The following ZFAT variants were observed in gnomAD, a reference collection of about 807,000 sequenced individuals.
ZFAT encodes zinc finger protein ZFAT.
ZFAT carries 64 observed loss-of-function variants against 117.7 expected under a neutral mutation model. That is an observed-to-expected ratio of 0.54 (90% CI 0.44 to 0.67). The LOEUF (loss-of-function observed/expected upper bound fraction) is 0.67, where lower values mean the gene tolerates loss of function less well. Among genes scored for constraint, ZFAT ranks in the 30% least tolerant of loss-of-function variants. The pLI is 0.00. For synonymous variants in ZFAT, 679 were observed against 615.0 expected, an observed-to-expected ratio of 1.10 and a Z score of -1.54; for missense variants, 1,433 against 1,584.5, an observed-to-expected ratio of 0.90 and a Z score of 1.62.
intron 11 of ZFAT, among the ~76,000 whole-genome samples, chr8:134,551,579 G>A (rs951898057): frequency 6.6e-6 from 1 of 152,222 alleles, no homozygotes; most frequent in Non-Finnish European, 1.5e-5. Context: ...TCAGCATTCT[G>A]AGGGGGTGCT....
At chr8:134,498,336 T>C (rs1306803393) in intron 15 of ZFAT, among the ~76,000 whole-genome samples, 1 of 148,646 alleles carries the variant, frequency 6.7e-6, no homozygotes, top group Non-Finnish European at 1.5e-5. Flanking sequence ...GGAGCTGGGA[T>C]GCCCCCGTTG....
chr8:134,693,565 C>T (rs551162636), intron 1 of ZFAT, among the ~76,000 whole-genome samples: 9 of 146,094 alleles, frequency 6.2e-5, no homozygotes, highest in African/African-American at 1.3e-4. Context: ...TGTATCAAAG[C>T]ATCACATTGT....
At chr8:134,484,878 C>T (rs1397181248) in intron 15 of ZFAT, among the ~76,000 whole-genome samples, 3 of 152,208 alleles carry the variant, frequency 2.0e-5, no homozygotes, top group Admixed American at 6.5e-5. Context: ...TCACTGCAGC[C>T]TCAAACTCCT....
chr8:134,653,269 T>TAAAAAAAAAAAA (rs1441852865), intron 2 of ZFAT, among the ~76,000 whole-genome samples: 1 of 99,130 alleles, frequency 1.0e-5, no homozygotes, highest in African/African-American at 3.6e-5. Context: ...AATGTCTTTT[T>TAAAAAAAAAAAA]TAAAAAAAAA....
the ZFAT span, among the ~76,000 whole-genome samples, chr8:134,753,983 C>A: frequency 1.3e-5 from 2 of 152,174 alleles, no homozygotes; most frequent in African/African-American, 4.8e-5. Flanking sequence ...CTTTGTTTGT[C>A]CCAGCCTGAA....
chr8:134,518,886 T>G (rs1399984050), intron 13 of ZFAT, among the ~76,000 whole-genome samples: 1 of 152,162 alleles, frequency 6.6e-6, no homozygotes, highest in African/African-American at 2.4e-5. Context: ...CTATCCTGTG[T>G]CACTTATCAA....
At chr8:134,589,956 C>A (rs1353448375) in intron 8 of ZFAT, among the ~76,000 whole-genome samples, 1 of 152,198 alleles carries the variant, frequency 6.6e-6, no homozygotes, top group Non-Finnish European at 1.5e-5. Flanking sequence ...GTAACACAAG[C>A]TTATGACAAC....
intron 5 of ZFAT, among the ~76,000 whole-genome samples, chr8:134,607,903 A>T (rs1828015957): frequency 6.6e-6 from 1 of 152,228 alleles, no homozygotes; most frequent in Non-Finnish European, 1.5e-5. Context: ...TCTGGAGGAC[A>T]GTTTTTAATG....
chr8:134,826,828 A>C, the ZFAT span, among the ~76,000 whole-genome samples: 1 of 152,260 alleles, frequency 6.6e-6, no homozygotes, highest in Non-Finnish European at 1.5e-5. Flanking sequence ...AATTCAAACA[A>C]AATTCTCAGA....
At chr8:134,736,507 C>CTT in the ZFAT span, among the ~76,000 whole-genome samples, 1 of 152,160 alleles carries the variant, frequency 6.6e-6, no homozygotes, top group African/African-American at 2.4e-5. Context: ...ATAGTGATGG[C>CTT]TTCCACACAG....
intron 1 of ZFAT, among the ~76,000 whole-genome samples, chr8:134,683,210 G>A (rs1833154092): frequency 1.3e-5 from 2 of 152,198 alleles, no homozygotes; most frequent in South Asian, 2.1e-4. Flanking sequence ...GCTCCTTTGT[G>A]CAGTGTGTAA....
chr8:134,611,822 AT>A (rs1292863578), intron 3 of ZFAT, among the ~76,000 whole-genome samples: 2 of 152,232 alleles, frequency 1.3e-5, no homozygotes, highest in Non-Finnish European at 2.9e-5. Flanking sequence ...GAAGGGCTGG[AT>A]TATATTTGTG....
intron 15 of ZFAT, among the ~76,000 whole-genome samples, chr8:134,499,146 T>G (rs73355780): frequency 0.1 from 11,326 of 109,400 alleles, 1,859 homozygotes; most frequent in African/African-American, 0.25. Flanking sequence ...TTTGGTAGGG[T>G]TGGCGTGGAG....
Position 134,509,701 on chromosome 8 carries a change from T to G in ZFAT, c.3410A>C (p.Glu1137Ala), listed in dbSNP as rs1258561938. Residue 1137 changes from glutamate to alanine, a missense_variant, in exon 15 of 16, where the codon GAG (glutamate) becomes GCG (alanine). Glu to Ala is a moderately radical substitution (Grantham distance 107). This residue lies in a region of ZFAT where 503 missense variants were observed against 543.4 expected (regional missense o/e 0.93). Transcript: ENST00000377838. Reference protein sequence around the residue: ...TAVNILQQIIELGAETHDATA... With the variant: ...TAVNILQQIIALGAETHDATA... Reference sequence around the variant, plus strand: ...GGCGTCATGGGTCTCGGCGCCCAGCTCAATGATCTGCTGCAGGATGTTCAC... The same window carrying G: ...GGCGTCATGGGTCTCGGCGCCCAGCGCAATGATCTGCTGCAGGATGTTCAC... 2.5e-6 allele frequency: 4 copies of G among 1,610,536 alleles called. No homozygotes were observed. Among genetic ancestry groups the G allele is most frequent in the Non-Finnish European group, 3.4e-6 (4 of 1,179,046 alleles).
chr8:134,797,006 A>T, the ZFAT span: 1 of 152,198 alleles, frequency 6.6e-6, no homozygotes, highest in South Asian at 2.1e-4. Context: ...AAAAAGTTTA[A>T]GATTACAGAT....
At chr8:134,536,576 G>A (rs1821856033) in intron 11 of ZFAT, among the ~76,000 whole-genome samples, 1 of 152,156 alleles carries the variant, frequency 6.6e-6, no homozygotes, top group Admixed American at 6.5e-5. Context: ...ACTGCCACAG[G>A]CCAGCAGGGA....
At chr8:134,626,568 G>C (rs1829530867) in intron 3 of ZFAT, among the ~76,000 whole-genome samples, 1 of 152,258 alleles carries the variant, frequency 6.6e-6, no homozygotes, top group South Asian at 2.1e-4. Flanking sequence ...TGGGGCAGGT[G>C]AGCTTCACAA....
chr8:134,684,070 T>G (rs1833199313), intron 1 of ZFAT, among the ~76,000 whole-genome samples: 1 of 151,986 alleles, frequency 6.6e-6, no homozygotes, highest in Admixed American at 6.6e-5. Context: ...AGCTGTTAAC[T>G]TACAGGGGAA....
chr8:134,510,278 A>G (rs1037768252), intron 14 of ZFAT: 11 of 408,860 alleles, frequency 2.7e-5, no homozygotes, highest in Admixed American at 1.5e-4. Context: ...AACCATCTCT[A>G]AAGACGGGAT....
Sources: gnomAD v4.1 joint callset for allele counts (sites outside exome capture counted in the v4.1 genomes callset) on GRCh38, gnomAD v4.1.1 for gene constraint, gnomAD v4.1.1 regional missense constraint, MANE v1.5 for transcripts, NCBI Gene and HGNC (gene_info 2026-07-23, HGNC 2026-07-21) for gene names.